Variants in WDR41 observed in about 807,000 individuals in gnomAD.
WDR41 encodes WD repeat-containing protein 41.
In WDR41, 63 loss-of-function variants were observed where a neutral mutation model predicts 69.3. The ratio of observed to expected loss-of-function variants is 0.91; its 90% CI spans 0.74 to 1.12. WDR41 has a LOEUF of 1.12. WDR41 is among the 50% of genes most tolerant of loss of function. WDR41 has a pLI of 0.00. For missense variants in WDR41, 543 were observed against 534.5 expected, an observed-to-expected ratio of 1.02 and a Z score of -0.16; for synonymous variants, 185 against 192.1, an observed-to-expected ratio of 0.96 and a Z score of 0.31.
intron 2 of WDR41, 59 bp downstream of exon 2, chr5:77,489,398 T>A: frequency 9.7e-7 from 1 of 1,034,304 alleles, no homozygotes; most frequent in Non-Finnish European, 1.4e-6. Context: ...GTGTTTAACA[T>A]AAAATTCCCT....
chr5:77,438,182 G>T, intron 10 of WDR41, 58 bp downstream of exon 10: 1 of 1,606,170 alleles, frequency 6.2e-7, no homozygotes, highest in Non-Finnish European at 8.5e-7. Flanking sequence ...AATTACACTG[G>T]TAGCCCTGGG....
At chr5:77,448,540 C>T (rs116131127) in intron 8 of WDR41, among the ~76,000 whole-genome samples, 244 of 152,126 alleles carry the variant, frequency 1.6e-3, no homozygotes, top group African/African-American at 5.3e-3. Flanking sequence ...GTGTCCCTCG[C>T]TCCCCTTTGT....
At chr5:77,538,784 T>A (rs2112220526) in intron 1 of WDR41, among the ~76,000 whole-genome samples, 1 of 152,342 alleles carries the variant, frequency 6.6e-6, no homozygotes, top group East Asian at 1.9e-4. Flanking sequence ...ATCCACTATG[T>A]GCCCGTAATG....
chr5:77,612,638 A>G (rs1169293304), intron 1 of WDR41, among the ~76,000 whole-genome samples: 2 of 152,188 alleles, frequency 1.3e-5, no homozygotes, highest in South Asian at 2.1e-4. Context: ...TTGATGGGAC[A>G]TATCTCAAAA....
At chr5:77,584,196 T>C (rs937301819) in intron 1 of WDR41, among the ~76,000 whole-genome samples, 5 of 152,034 alleles carry the variant, frequency 3.3e-5, no homozygotes, top group Non-Finnish European at 7.4e-5. Context: ...AGAGATCCAC[T>C]CTGACCATTT....
intron 1 of WDR41, among the ~76,000 whole-genome samples, chr5:77,532,010 C>T (rs1802535045): frequency 6.6e-6 from 1 of 151,904 alleles, no homozygotes; most frequent in African/African-American, 2.4e-5. Flanking sequence ...ATGATGAAAA[C>T]ATTTTAGAAC....
intron 1 of WDR41, among the ~76,000 whole-genome samples, chr5:77,597,802 C>G (rs13167663): frequency 6.6e-6 from 1 of 152,092 alleles, no homozygotes; most frequent in African/African-American, 2.4e-5. Flanking sequence ...CATTATTTTT[C>G]AAACACATCC....
At chr5:77,569,294 C>A (rs1357786818) in intron 1 of WDR41, among the ~76,000 whole-genome samples, 1 of 152,036 alleles carries the variant, frequency 6.6e-6, no homozygotes, top group Non-Finnish European at 1.5e-5. Flanking sequence ...ATAAATTATA[C>A]AATGCCTTTC....
chr5:77,606,304 G>A (rs570407162), intron 1 of WDR41, among the ~76,000 whole-genome samples: 14 of 152,250 alleles, frequency 9.2e-5, no homozygotes, highest in African/African-American at 3.4e-4. Flanking sequence ...CTGATTGCAA[G>A]GTATTGGGAT....
intron 1 of WDR41, among the ~76,000 whole-genome samples, chr5:77,599,263 C>T (rs1744283521): frequency 1.6e-5 from 2 of 123,924 alleles, no homozygotes; most frequent in Non-Finnish European, 3.2e-5. Flanking sequence ...TACAGTGGTA[C>T]TATCTCAGCT....
chr5:77,457,571 T>C (rs1025332339), intron 5 of WDR41, among the ~76,000 whole-genome samples: 3 of 152,158 alleles, frequency 2.0e-5, no homozygotes, highest in African/African-American at 7.2e-5. Context: ...CATATAATAA[T>C]TTATTTAGAT....
intron 2 of WDR41, among the ~76,000 whole-genome samples, chr5:77,469,319 C>A (rs1056354803): frequency 5.3e-5 from 8 of 152,206 alleles, no homozygotes; most frequent in African/African-American, 1.9e-4. Context: ...TGCAGCACAC[C>A]AACACGGCAC....
intron 2 of WDR41, among the ~76,000 whole-genome samples, chr5:77,469,786 C>T: frequency 6.6e-6 from 1 of 151,978 alleles, no homozygotes; most frequent in Non-Finnish European, 1.5e-5. Flanking sequence ...TGTGAAAAGA[C>T]CAAATCTACG....
At chr5:77,440,149 T>C (rs538035964) in intron 9 of WDR41, among the ~76,000 whole-genome samples, 1 of 152,270 alleles carries the variant, frequency 6.6e-6, no homozygotes, top group African/African-American at 2.4e-5. Flanking sequence ...AGTCACAAAA[T>C]AGAGAAAAGC....
Position 77,433,253 on chromosome 5 carries a change from G to A in WDR41, c.1262C>T (p.Thr421Met), listed in dbSNP as rs776842528. 2.7e-5 allele frequency: 44 copies of A among 1,613,648 alleles called. No individual in the cohort carries two copies. Among genetic ancestry groups the A allele is most frequent in the South Asian group, 1.9e-4 (17 of 90,970 alleles). Residue 421 changes from threonine to methionine, a missense_variant, in exon 13 of 13, where the codon ACG becomes ATG. Transcript: ENST00000296679. Reference sequence around the variant, plus strand: ...AATAATGAGATGATCAGCGGAGCACGTCACTAGTCCATGATCTTCAAAGTA... The same window carrying A: ...AATAATGAGATGATCAGCGGAGCACATCACTAGTCCATGATCTTCAAAGTA... ...FLYFEDHGLV[T>M]CSADHLIILW...
chr5:77,612,688 A>T (rs1480256497), intron 1 of WDR41, among the ~76,000 whole-genome samples: 76 of 152,188 alleles, frequency 5.0e-4, no homozygotes, highest in African/African-American at 1.7e-3. Context: ...GCCAATATCA[A>T]ACTGAATGGG....
intron 1 of WDR41, among the ~76,000 whole-genome samples, chr5:77,593,227 C>T (rs1744164032): frequency 6.6e-6 from 1 of 152,076 alleles, no homozygotes; most frequent in African/African-American, 2.4e-5. Flanking sequence ...GTATTTTACT[C>T]TAAGGATGAT....
chr5:77,555,181 AT>A (rs1340962397), intron 1 of WDR41, among the ~76,000 whole-genome samples: 1 of 152,136 alleles, frequency 6.6e-6, no homozygotes, highest in African/African-American at 2.4e-5. Flanking sequence ...AATTGTATTA[AT>A]TTTCTGGTTG....
intron 4 of WDR41, 135 bp from the exon 5 acceptor site, chr5:77,459,259 T>C (rs1463359413): frequency 1.3e-5 from 8 of 602,114 alleles, no homozygotes; most frequent in Non-Finnish European, 2.0e-5. Flanking sequence ...TTAGTGTTTA[T>C]ACCACCACAA....
Sources: gnomAD v4.1 joint callset for allele counts (sites outside exome capture counted in the v4.1 genomes callset) on GRCh38, gnomAD v4.1.1 for gene constraint, MANE v1.5 for transcripts, NCBI Gene and HGNC (gene_info 2026-07-23, HGNC 2026-07-21) for gene names.